NXPH1: variants seen among roughly 807,000 people sequenced by gnomAD.
NXPH1 encodes neurexophilin 1.
A neutral mutation model predicts 23.7 loss-of-function variants in NXPH1; 5 were observed. The ratio of observed to expected loss-of-function variants is 0.21; its 90% CI spans 0.11 to 0.44. The LOEUF is 0.44. Ranked by LOEUF, NXPH1 falls within the 20% of genes least tolerant of loss-of-function variation. The pLI is 0.99. For missense variants in NXPH1, 324 were observed against 321.6 expected (o/e 1.01, Z -0.06); for synonymous variants, 144 against 122.2 (o/e 1.18, Z -1.18).
At chr7:8,688,447 T>C (rs1475261725) in intron 2 of NXPH1, among the ~76,000 whole-genome samples, 2 of 152,218 alleles carry the variant, frequency 1.3e-5, no homozygotes, top group Non-Finnish European at 2.9e-5. Flanking sequence ...ATTAGATTGC[T>C]GCTTCTGTCC....
intron 2 of NXPH1, among the ~76,000 whole-genome samples, chr7:8,750,070 C>G (rs1340495094): frequency 6.6e-6 from 1 of 152,182 alleles, no homozygotes; most frequent in Non-Finnish European, 1.5e-5. Context: ...GTTGGTTTCT[C>G]TAGAACTGAC....
chr7:8,723,918 C>T (rs1180400035), intron 2 of NXPH1, among the ~76,000 whole-genome samples: 2 of 152,180 alleles, frequency 1.3e-5, no homozygotes, highest in East Asian at 3.8e-4. Flanking sequence ...AAGTAGCCAA[C>T]ATGAAGCTAG....
chr7:8,561,702 A>C (rs1256395058), intron 2 of NXPH1, among the ~76,000 whole-genome samples: 1 of 151,642 alleles, frequency 6.6e-6, no homozygotes, highest in Non-Finnish European at 1.5e-5. Context: ...ATTAGAGGGC[A>C]TAATGAGGTT....
In NXPH1 at chr7:8,446,432, A is replaced by G. The variant is rs558755228; in HGVS notation, c.54+10665A>G. Among the ~76,000 whole-genome samples the G allele has an allele frequency of 3.7e-4, 56 of 152,330 alleles. 1 individual carries two copies. The South Asian group carries it at 0.011, about 30-fold the overall frequency. On this transcript the variant is annotated intron_variant, in intron 2 of 2. Coordinates refer to ENST00000405863, the MANE Select transcript of NXPH1 (RefSeq NM_152745.3). ...AAAGAAGTCATGGCTAAGAAAGAAA[A>G]AGGCCTGTCTAACATTGCTTTATTA...
chr7:8,443,393 T>C (rs1012035544), intron 2 of NXPH1, among the ~76,000 whole-genome samples: 1 of 152,230 alleles, frequency 6.6e-6, no homozygotes, highest in Non-Finnish European at 1.5e-5. Context: ...GAGCTAGAAG[T>C]GTCTCTAGTA....
chr7:8,492,605 TGTA>T (rs1417055281), intron 2 of NXPH1, among the ~76,000 whole-genome samples: 1 of 152,046 alleles, frequency 6.6e-6, no homozygotes, highest in Admixed American at 6.6e-5. Flanking sequence ...TCAACTGGTA[TGTA>T]AATAAACTTC....
At chr7:8,625,973 T>G (rs115736181) in intron 2 of NXPH1, among the ~76,000 whole-genome samples, 1,538 of 152,282 alleles carry the variant, frequency 0.01, 29 homozygotes, top group African/African-American at 0.035. Flanking sequence ...TTATATAATC[T>G]TTTTGTCTGT....
At chr7:8,583,008 G>A (rs1383856076) in intron 2 of NXPH1, among the ~76,000 whole-genome samples, 1 of 152,214 alleles carries the variant, frequency 6.6e-6, no homozygotes, top group Non-Finnish European at 1.5e-5. Flanking sequence ...TCTGAAGGGG[G>A]CCAAGGGGGC....
intron 2 of NXPH1, among the ~76,000 whole-genome samples, chr7:8,710,947 C>A (rs533634973): frequency 5.9e-5 from 9 of 151,894 alleles, no homozygotes; most frequent in Non-Finnish European, 1.2e-4. Flanking sequence ...CAGGCGTGAG[C>A]CACCGCGCCC....
intron 2 of NXPH1, among the ~76,000 whole-genome samples, chr7:8,739,187 A>AC (rs1780317563): frequency 6.7e-6 from 1 of 149,866 alleles, no homozygotes; most frequent in African/African-American, 2.5e-5. Flanking sequence ...AAAAAAAAAA[A>AC]AAAAAAAAAA....
At chr7:8,552,114 CAAAAAAAA>C (rs34390317) in intron 2 of NXPH1, among the ~76,000 whole-genome samples, 1 of 61,750 alleles carries the variant, frequency 1.6e-5, no homozygotes, top group African/African-American at 7.0e-5. Flanking sequence ...GAAAAAAAAC[CAAAAAAAA>C]AAAAAAAAAA....
Position 8,443,039 on chromosome 7 carries a change from C to G in NXPH1, c.54+7272C>G, listed in dbSNP as rs547845199. 4.1e-4 allele frequency among the ~76,000 whole-genome samples: 62 copies of G among 152,362 alleles called. 1 individual carries two copies. The South Asian group carries it at 0.012, about 30-fold the overall frequency. The stretch of plus-strand genomic sequence containing the variant: ...GTGCCAGCAGTAGGGCCTGCCTCCC[C>G]CGCTGCCGCTCCGGCTGGGTCCTTA... On this transcript the variant is annotated intron_variant, in intron 2 of 2. Transcript: ENST00000405863.
At chr7:8,463,013 C>G (rs1013437806) in intron 2 of NXPH1, among the ~76,000 whole-genome samples, 9 of 152,152 alleles carry the variant, frequency 5.9e-5, no homozygotes, top group Non-Finnish European at 7.4e-5. Flanking sequence ...TACATAGATT[C>G]CTTTCTCTTT....
chr7:8,709,071 T>C (rs1198474493), intron 2 of NXPH1, among the ~76,000 whole-genome samples: 1 of 152,224 alleles, frequency 6.6e-6, no homozygotes, highest in African/African-American at 2.4e-5. Flanking sequence ...TATCTTAAAA[T>C]AGTAATTATA....
Position 8,456,965 on chromosome 7 carries a change from AATGG to A in NXPH1, c.54+21199_54+21202del, listed in dbSNP as rs199838481. Among the ~76,000 whole-genome samples, 453 of 152,248 alleles carry A rather than the reference AATGG, an allele frequency of 3.0e-3. 3 individuals carry two copies. The highest frequency in any genetic ancestry group is 0.01 in the African/African-American group (431 of 41,544). On this transcript the variant is annotated intron_variant, in intron 2 of 2. Coordinates refer to ENST00000405863, the MANE Select transcript of NXPH1 (RefSeq NM_152745.3). ...CTCTCTATCCTTCTTAGATTGTCAA[AATGG>A]TGGCACAATATCTTCTAAACATTGT...
chr7:8,723,490 G>A (rs1246880914), intron 2 of NXPH1, among the ~76,000 whole-genome samples: 1 of 152,130 alleles, frequency 6.6e-6, no homozygotes, highest in Non-Finnish European at 1.5e-5. Context: ...CTCTTATTCA[G>A]TTTTGTCTTA....
At chr7:8,655,448 CT>C (rs1820562749) in intron 2 of NXPH1, among the ~76,000 whole-genome samples, 6 of 44,574 alleles carry the variant, frequency 1.3e-4, no homozygotes, top group African/African-American at 3.1e-4. Context: ...CTCTCTCTCT[CT>C]ATACACACAC....
intron 2 of NXPH1, among the ~76,000 whole-genome samples, chr7:8,568,857 G>A (rs569341191): frequency 6.6e-6 from 1 of 151,858 alleles, no homozygotes; most frequent in East Asian, 1.9e-4. Flanking sequence ...TGAGTGCAGT[G>A]TTTGATATCT....
intron 2 of NXPH1, among the ~76,000 whole-genome samples, chr7:8,696,144 A>C (rs1779499007): frequency 6.6e-6 from 1 of 152,202 alleles, no homozygotes; most frequent in Admixed American, 6.5e-5. Context: ...GACGTGCTAC[A>C]TTTTCCTCTG....
Sources: allele counts gnomAD v4.1 joint callset (sites outside exome capture counted in the v4.1 genomes callset), GRCh38; gene constraint gnomAD v4.1.1; transcripts MANE v1.5; gene names NCBI Gene and HGNC (gene_info 2026-07-23, HGNC 2026-07-21).